The following LRRC31 variants were observed in gnomAD, a reference collection of about 807,000 sequenced individuals.
LRRC31 encodes the protein leucine rich repeat containing 31.
Under a neutral mutation model 46.7 loss-of-function variants are expected in LRRC31, and 35 were observed. That is an observed-to-expected ratio of 0.75 (90% CI 0.57 to 0.99). The LOEUF is 0.99. Ranked by LOEUF, LRRC31 falls within the 50% of genes least tolerant of loss-of-function variation. The pLI is 0.00. For synonymous variants in LRRC31, 236 were observed against 235.1 expected (o/e 1.00, Z -0.03); for missense variants, 613 against 626.1 (o/e 0.98, Z 0.22).
intron 8 of LRRC31, among the ~76,000 whole-genome samples, chr3:169,843,580 T>C (rs1344967830): frequency 1.3e-5 from 2 of 152,198 alleles, no homozygotes; most frequent in Admixed American, 6.5e-5. Context: ...ACCACTACAA[T>C]ATACGCATGG....
chr3:169,845,334 A>G (rs539534795), intron 8 of LRRC31, among the ~76,000 whole-genome samples: 2 of 152,326 alleles, frequency 1.3e-5, no homozygotes, highest in East Asian at 3.9e-4. Context: ...TTCCAGATGG[A>G]TTTTTAAAAT....
At chr3:169,853,564 A>G in intron 6 of LRRC31, 1 of 985,846 alleles carries the variant, frequency 1.0e-6, no homozygotes, top group Non-Finnish European at 1.2e-6. Flanking sequence ...TGGTGGGCTA[A>G]TAACTCTGAA....
chr3:169,848,604 G>A (rs1169585144), intron 7 of LRRC31, among the ~76,000 whole-genome samples: 2 of 152,050 alleles, frequency 1.3e-5, no homozygotes, highest in African/African-American at 2.4e-5. Context: ...CTACATGTGC[G>A]TGCCACCACA....
Position 169,840,735 on chromosome 3 carries a change from G to A in LRRC31, c.1328-422C>T, listed in dbSNP as rs560853997. ...CTTCATCCAGCAATTATTTAAATGA[G>A]CATTTTCCATATGCAGAACATACCT... On this transcript the variant is annotated intron_variant, in intron 8 of 8. Coordinates refer to ENST00000316428, the MANE Select transcript of LRRC31 (RefSeq NM_024727.4). Among the ~76,000 whole-genome samples the A allele has an allele frequency of 6.6e-5, 10 of 152,200 alleles. No homozygotes were observed. The South Asian group carries it at 2.1e-3, about 32-fold the overall frequency.
Position 169,869,118 on chromosome 3 carries a change from C to T in LRRC31, c.175+515G>A, listed in dbSNP as rs571122760. Reference sequence around the variant, plus strand: ...TGGTGTGATGGCTTACACCTGTAATCCCAGCAGTTTGGGAGGCCAAGGCAG... The same window carrying T: ...TGGTGTGATGGCTTACACCTGTAATTCCAGCAGTTTGGGAGGCCAAGGCAG... On this transcript the variant is annotated intron_variant, in intron 1 of 8. Transcript: ENST00000316428. Among the ~76,000 whole-genome samples, 11 of 151,062 alleles carry T rather than the reference C, an allele frequency of 7.3e-5. No individual in the cohort carries two copies. In the South Asian group the frequency reaches 2.2e-3, roughly 30 times the overall value.
At chr3:169,840,747 T>A (rs890283879) in intron 8 of LRRC31, among the ~76,000 whole-genome samples, 1 of 152,202 alleles carries the variant, frequency 6.6e-6, no homozygotes, top group African/African-American at 2.4e-5. Context: ...ATTTTCCATA[T>A]GCAGAACATA....
intron 6 of LRRC31, 88 bp from the exon 7 acceptor site, chr3:169,851,874 G>A (rs1020528187): frequency 2.2e-6 from 3 of 1,358,382 alleles, no homozygotes. Context: ...TGTTTAATCT[G>A]TCAGTCAATA....
chr3:169,865,994 G>A (rs1343491765), intron 1 of LRRC31, among the ~76,000 whole-genome samples: 3 of 152,086 alleles, frequency 2.0e-5, no homozygotes, highest in Admixed American at 1.3e-4. Flanking sequence ...TGAGGGCGGC[G>A]CTGTGGTGGG....
intron 7 of LRRC31, among the ~76,000 whole-genome samples, chr3:169,848,549 C>T (rs1026699155): frequency 1.2e-4 from 19 of 152,156 alleles, no homozygotes; most frequent in South Asian, 2.1e-4. Flanking sequence ...CTCCGCCTCC[C>T]GGGTTCAAGT....
intron 3 of LRRC31, among the ~76,000 whole-genome samples, chr3:169,859,807 G>A (rs945737229): frequency 3.9e-5 from 6 of 152,128 alleles, no homozygotes; most frequent in African/African-American, 1.4e-4. Flanking sequence ...TACACATGAA[G>A]TAACAGACCC....
intron 3 of LRRC31, among the ~76,000 whole-genome samples, chr3:169,859,166 A>T (rs1342362105): frequency 1.3e-5 from 2 of 149,974 alleles, no homozygotes; most frequent in African/African-American, 2.5e-5. Flanking sequence ...ATGGTGGTGC[A>T]CTCCTGTAAT....
At chr3:169,864,435 A>G (rs7647589) in intron 1 of LRRC31, among the ~76,000 whole-genome samples, 76,135 of 152,040 alleles carry the variant, frequency 0.5, 20,085 homozygotes, top group East Asian at 0.76. Context: ...AAAAGACCTG[A>G]TCCAAATCAC....
intron 8 of LRRC31, among the ~76,000 whole-genome samples, chr3:169,846,964 G>C (rs546910767): frequency 6.6e-6 from 1 of 152,188 alleles, no homozygotes; most frequent in African/African-American, 2.4e-5. Flanking sequence ...CCCATGTGCC[G>C]TGTCATAGCA....
Position 169,856,807 on chromosome 3 carries a change from C to A in LRRC31, c.553G>T (p.Gly185Ter). The A allele has an allele frequency of 6.2e-7, 1 of 1,609,238 alleles. No homozygotes were observed. The highest frequency in any genetic ancestry group is 1.7e-4 in the Middle Eastern group (1 of 6,050). ...TTCTGAAGGATCAGAGGCAAATTTCCTCCCACTTTACTGTTCCAAGACAAA... is the reference window on the plus strand; with the variant it reads ...TTCTGAAGGATCAGAGGCAAATTTCATCCCACTTTACTGTTCCAAGACAAA... ...LNLSWNSKVG[G>*]NLPLILQKFQ... Residue 185 changes from glycine (G) to a stop codon, truncating the protein, a stop_gained, in exon 4 of 9, where the codon GGA becomes TGA. Transcript: ENST00000316428. LOFTEE classifies it high-confidence loss of function.
At chr3:169,841,150 AGTT>A (rs1780436255) in intron 8 of LRRC31, among the ~76,000 whole-genome samples, 1 of 152,182 alleles carries the variant, frequency 6.6e-6, no homozygotes, top group Non-Finnish European at 1.5e-5. Flanking sequence ...TGTTCTTTCA[AGTT>A]TGCCCCAGCA....
chr3:169,846,478 C>T (rs1328102523), intron 8 of LRRC31, among the ~76,000 whole-genome samples: 2 of 152,102 alleles, frequency 1.3e-5, no homozygotes, highest in African/African-American at 2.4e-5. Context: ...GGCGAAACCC[C>T]GTCTCTACCA....
rs764497838 is a variant in LRRC31, at chr3:169,869,888, G to A, written c.-81C>T. On this transcript the variant is annotated 5_prime_UTR_variant, in exon 1 of 9. Transcript: ENST00000316428. ...TCTAGGATTTCTAAGAAGAAAAGAA[G>A]ATTCTGTCAAGCCTGTGTTCAATCA... is the stretch of plus-strand genomic sequence containing the variant. 1 of 1,324,474 alleles carries A rather than the reference G, an allele frequency of 7.6e-7. No homozygotes were observed. Among genetic ancestry groups the A allele is most frequent in the Non-Finnish European group, 1.0e-6 (1 of 977,848 alleles). The allele number at this position is 1,324,474 out of a possible 1,614,324, so 82.0% of individuals were successfully genotyped here.
chr3:169,866,880 T>C (rs1781346932), intron 1 of LRRC31, among the ~76,000 whole-genome samples: 1 of 152,082 alleles, frequency 6.6e-6, no homozygotes, highest in African/African-American at 2.4e-5. Context: ...GAGAATCACT[T>C]GAACCTGGGA....
intron 7 of LRRC31, among the ~76,000 whole-genome samples, chr3:169,850,141 T>C (rs984767047): frequency 6.6e-6 from 1 of 152,206 alleles, no homozygotes; most frequent in Non-Finnish European, 1.5e-5. Flanking sequence ...GGGCTATTAT[T>C]AATGAAATAA....
Sources: gnomAD v4.1 joint callset for allele counts (sites outside exome capture counted in the v4.1 genomes callset) on GRCh38, gnomAD v4.1.1 for gene constraint, MANE v1.5 for transcripts, NCBI Gene and HGNC (gene_info 2026-07-23, HGNC 2026-07-21) for gene names.